The following ACADSB variants were observed in gnomAD, a reference collection of about 807,000 sequenced individuals.
ACADSB encodes short/branched chain specific acyl-CoA dehydrogenase, mitochondrial.
In ACADSB, 40 loss-of-function variants were observed where a neutral mutation model predicts 54.1. The ratio of observed to expected loss-of-function variants is 0.74; its 90% CI spans 0.57 to 0.96. ACADSB has a LOEUF of 0.96. Among genes scored for constraint, ACADSB ranks in the 40% least tolerant of loss-of-function variants. The probability of loss-of-function intolerance (pLI) is 0.00; values close to 1 mark genes in which losing one functional copy is unlikely to be tolerated. For synonymous variants in ACADSB, 182 were observed against 182.8 expected, an observed-to-expected ratio of 1.00 and a Z score of 0.03; for missense variants, 530 against 510.4, an observed-to-expected ratio of 1.04 and a Z score of -0.37.
chr10:123,031,763 C>T (rs1258353091), intron 1 of ACADSB, among the ~76,000 whole-genome samples: 1 of 152,138 alleles, frequency 6.6e-6, no homozygotes, highest in East Asian at 1.9e-4. Flanking sequence ...AATAATTTTA[C>T]CCTGTGATCC....
chr10:123,019,870 C>T (rs1850161536), intron 1 of ACADSB, among the ~76,000 whole-genome samples: 1 of 152,196 alleles, frequency 6.6e-6, no homozygotes, highest in Admixed American at 6.5e-5. Flanking sequence ...ACCTCCTGTC[C>T]TGGTCTCTAA....
At chr10:123,039,100 G>A (rs941384929) in intron 3 of ACADSB, among the ~76,000 whole-genome samples, 1 of 152,162 alleles carries the variant, frequency 6.6e-6, no homozygotes, top group Non-Finnish European at 1.5e-5. Context: ...TTGGCATAAT[G>A]GCTTGCAAAA....
At chr10:123,047,360 G>T (rs1850574866) in intron 8 of ACADSB, 62 bp downstream of exon 8, 16 of 1,198,488 alleles carry the variant, frequency 1.3e-5, no homozygotes, top group Non-Finnish European at 1.9e-5. Flanking sequence ...TTAATGAAGG[G>T]CTGTGTTGAA....
chr10:123,010,704 C>A (rs544220922), intron 1 of ACADSB, among the ~76,000 whole-genome samples: 2 of 151,982 alleles, frequency 1.3e-5, no homozygotes, highest in Non-Finnish European at 2.9e-5. Context: ...GAATAGTGCT[C>A]GGAATGTAGT....
chr10:123,026,969 T>G lies in ACADSB; in HGVS notation c.43-7387T>G, dbSNP rs944819289. ...TGAGCCTTGTTTGTATGTTACCTAT[T>G]AAAACCAGAAGAAAATATTAAAGCC... On this transcript the variant is annotated intron_variant, in intron 1 of 10. Transcript: ENST00000358776. Among the ~76,000 whole-genome samples, 79 of 152,132 alleles carry G rather than the reference T, an allele frequency of 5.2e-4. 1 individual carries two copies. The highest frequency in any genetic ancestry group is 1.8e-3 in the African/African-American group (73 of 41,428).
intron 1 of ACADSB, among the ~76,000 whole-genome samples, chr10:123,026,269 T>A (rs9423317): frequency 0.73 from 110,376 of 152,076 alleles, 41,502 homozygotes; most frequent in Non-Finnish European, 0.84. Context: ...AAAACATTAT[T>A]TAAACTTAAA....
intron 7 of ACADSB, among the ~76,000 whole-genome samples, chr10:123,045,478 C>T (rs1349472818): frequency 6.6e-6 from 1 of 151,832 alleles, no homozygotes; most frequent in African/African-American, 2.4e-5. Flanking sequence ...CCGCGCCCGG[C>T]GTTTGTAGAG....
At chr10:123,019,024 A>T (rs1850142915) in intron 1 of ACADSB, among the ~76,000 whole-genome samples, 1 of 152,230 alleles carries the variant, frequency 6.6e-6, no homozygotes, top group South Asian at 2.1e-4. Flanking sequence ...TATAGTGTTA[A>T]GTATTTTTTC....
chr10:123,044,173 C>T (rs1028025215), intron 6 of ACADSB, among the ~76,000 whole-genome samples: 2 of 152,176 alleles, frequency 1.3e-5, no homozygotes, highest in Non-Finnish European at 2.9e-5. Context: ...CCATTCAATA[C>T]CTGTGCAAGG....
chr10:123,018,106 C>G (rs1029495763), intron 1 of ACADSB, among the ~76,000 whole-genome samples: 6 of 152,274 alleles, frequency 3.9e-5, no homozygotes, highest in African/African-American at 1.4e-4. Flanking sequence ...AATTTTAAGA[C>G]CCCTGGCTAG....
In ACADSB at chr10:123,054,051, C is replaced by G. The variant is rs2133497858; in HGVS notation, c.*286C>G. On this transcript the variant is annotated 3_prime_UTR_variant, in exon 11 of 11. Coordinates refer to ENST00000358776, the MANE Select transcript of ACADSB (RefSeq NM_001609.4). The stretch of plus-strand genomic sequence containing the variant: ...ACGCATACATATATATATTTTTACT[C>G]TGTCTTACTCTGTCACCCAGGCTAG... 2.3e-6 allele frequency: 1 copy of G among 427,542 alleles called. No individual in the cohort carries two copies. Among genetic ancestry groups the G allele is most frequent in the African/African-American group, 2.0e-5 (1 of 49,964 alleles). 26.5% of individuals were successfully genotyped at this position (427,542 alleles called of 1,614,324 possible).
At chr10:123,034,209 T>C in intron 1 of ACADSB, 147 bp from the exon 2 acceptor site, 3 of 768,206 alleles carry the variant, frequency 3.9e-6, no homozygotes, top group Non-Finnish European at 6.4e-6. Flanking sequence ...AACTAATTTG[T>C]GTTATGTTTA....
rs1442824188 is a variant in ACADSB, at chr10:123,053,847, G to A, written c.*82G>A. On this transcript the variant is annotated 3_prime_UTR_variant, in exon 11 of 11. Transcript: ENST00000358776. The stretch of plus-strand genomic sequence containing the variant: ...GTGTCTTGTTGGGAGTAAGTGCCTT[G>A]CGTGGGAATAAACTTCCACAGCATT... 8.9e-6 allele frequency: 11 copies of A among 1,242,780 alleles called. No homozygotes were observed. Among genetic ancestry groups the A allele is most frequent in the South Asian group, 2.4e-5 (2 of 83,448 alleles). 77.0% of individuals were successfully genotyped at this position (1,242,780 alleles called of 1,614,324 possible).
intron 1 of ACADSB, among the ~76,000 whole-genome samples, chr10:123,022,272 C>A (rs78928956): frequency 6.6e-6 from 1 of 152,274 alleles, no homozygotes; most frequent in East Asian, 1.9e-4. Flanking sequence ...GGAAGAGAAT[C>A]AGCAAATGGT....
intron 1 of ACADSB, among the ~76,000 whole-genome samples, chr10:123,024,128 C>A (rs1271464819): frequency 6.6e-6 from 1 of 152,244 alleles, no homozygotes; most frequent in Non-Finnish European, 1.5e-5. Context: ...GATAAGGCCA[C>A]GCTTTCCCAT....
intron 1 of ACADSB, among the ~76,000 whole-genome samples, chr10:123,028,421 T>G (rs1850282513): frequency 6.6e-6 from 1 of 152,176 alleles, no homozygotes; most frequent in African/African-American, 2.4e-5. Context: ...TCCCAGCACT[T>G]TGGGAAGCCA....
At chr10:123,025,614 T>TA (rs1850241437) in intron 1 of ACADSB, among the ~76,000 whole-genome samples, 1 of 152,134 alleles carries the variant, frequency 6.6e-6, no homozygotes, top group Non-Finnish European at 1.5e-5. Context: ...CTAATTTGTA[T>TA]AAAGCTCCTG....
At chr10:123,023,099 C>T (rs1216966843) in intron 1 of ACADSB, among the ~76,000 whole-genome samples, 1 of 152,176 alleles carries the variant, frequency 6.6e-6, no homozygotes, top group East Asian at 1.9e-4. Flanking sequence ...TTACCGATAA[C>T]TCAGAAGACT....
intron 7 of ACADSB, among the ~76,000 whole-genome samples, chr10:123,046,113 G>C (rs185556028): frequency 2.8e-4 from 43 of 152,304 alleles, no homozygotes; most frequent in Non-Finnish European, 4.9e-4. Context: ...AGGGTATAGT[G>C]ACATCATCTT....
Sources: allele counts gnomAD v4.1 joint callset (sites outside exome capture counted in the v4.1 genomes callset), GRCh38; gene constraint gnomAD v4.1.1; transcripts MANE v1.5; gene names NCBI Gene and HGNC (gene_info 2026-07-23, HGNC 2026-07-21).